Variants in ACBD6 observed in about 807,000 individuals in gnomAD.
The protein encoded by ACBD6 is acyl-CoA binding domain containing 6.
ACBD6 carries 28 observed loss-of-function variants against 37.2 expected under a neutral mutation model. The observed-to-expected ratio is 0.75, with a 90% CI of 0.56 to 1.03. The LOEUF (loss-of-function observed/expected upper bound fraction) is 1.03. ACBD6 is among the 50% of genes least tolerant of loss of function. The pLI, the probability that ACBD6 is intolerant of heterozygous loss-of-function variation, is 0.00. For synonymous variants in ACBD6, 113 were observed against 126.8 expected, an observed-to-expected ratio of 0.89 and a Z score of 0.73; for missense variants, 340 against 337.4, an observed-to-expected ratio of 1.01 and a Z score of -0.06.
intron 7 of ACBD6, among the ~76,000 whole-genome samples, chr1:180,306,662 A>G (rs1006636889): frequency 6.6e-6 from 1 of 152,246 alleles, no homozygotes; most frequent in African/African-American, 2.4e-5. Context: ...ACTGCTGTAT[A>G]GTATTCTAGC....
chr1:180,434,311 G>A (rs1648933647), intron 3 of ACBD6, among the ~76,000 whole-genome samples: 1 of 152,174 alleles, frequency 6.6e-6, no homozygotes. Flanking sequence ...GACCCTGGAA[G>A]AAATCAAAAT....
intron 3 of ACBD6, among the ~76,000 whole-genome samples, chr1:180,489,275 T>G (rs1651396059): frequency 6.6e-6 from 1 of 151,596 alleles, no homozygotes; most frequent in Admixed American, 6.6e-5. Context: ...GATAATGAAC[T>G]AAATGCCAAA....
At chr1:180,299,781 G>A (rs979313723) in intron 7 of ACBD6, among the ~76,000 whole-genome samples, 1 of 152,086 alleles carries the variant, frequency 6.6e-6, no homozygotes, top group African/African-American at 2.4e-5. Flanking sequence ...CCCAGTGGAG[G>A]AAGAGGAGGG....
chr1:180,397,702 T>G, intron 5 of ACBD6, 97 bp from the exon 6 acceptor site: 1 of 1,043,840 alleles, frequency 9.6e-7, no homozygotes, highest in Non-Finnish European at 1.5e-6. Context: ...TAAAAAATTA[T>G]GGGTTAATTA....
chr1:180,332,532 GT>G (rs1651525082), intron 6 of ACBD6, among the ~76,000 whole-genome samples: 1 of 151,700 alleles, frequency 6.6e-6, no homozygotes, highest in South Asian at 2.1e-4. Context: ...AACCCTTATT[GT>G]GAACTGCACA....
rs771226276 is a variant in ACBD6, at chr1:180,358,516, T to TA, written c.663+38999dup. On this transcript the variant is annotated intron_variant, in intron 6 of 7. Coordinates refer to ENST00000367595, the MANE Select transcript of ACBD6 (RefSeq NM_032360.4). The stretch of plus-strand genomic sequence containing the variant: ...AAGTCATATTAACTTTGGTTATCCT[T>TA]AAAAAAAAAAGTAACATTAGCAATA... 1.8e-3 allele frequency among the ~76,000 whole-genome samples: 244 copies of TA among 136,402 alleles called. 3 individuals carry two copies. The East Asian group carries it at 0.038, about 21-fold the overall frequency. 89.5% of individuals were successfully genotyped at this position (136,402 alleles called of 152,430 possible). A position where few individuals can be genotyped will look rare whatever the true frequency, so the allele number is the denominator to read the frequency against.
chr1:180,318,068 C>T (rs1173674559), intron 6 of ACBD6, among the ~76,000 whole-genome samples: 1 of 148,990 alleles, frequency 6.7e-6, no homozygotes, highest in Non-Finnish European at 1.5e-5. Context: ...GTCCCAGCTA[C>T]TCGGGATTGC....
At chr1:180,481,245 A>T (rs200732988) in intron 3 of ACBD6, among the ~76,000 whole-genome samples, 2 of 147,438 alleles carry the variant, frequency 1.4e-5, no homozygotes, top group East Asian at 2.0e-4. Context: ...CTTGTTTTTG[A>T]TTTTTTTTTT....
chr1:180,425,654 A>G (rs1173274876), intron 4 of ACBD6, among the ~76,000 whole-genome samples: 1 of 152,234 alleles, frequency 6.6e-6, no homozygotes, highest in Non-Finnish European at 1.5e-5. Flanking sequence ...AGATTTGTTA[A>G]AAACAGGCTG....
chr1:180,338,595 T>A (rs1316834809), intron 6 of ACBD6, among the ~76,000 whole-genome samples: 1 of 152,262 alleles, frequency 6.6e-6, no homozygotes, highest in East Asian at 1.9e-4. Flanking sequence ...ACCTAGGCAA[T>A]ACCATTCAGG....
At chr1:180,353,072 A>G (rs1478702439) in intron 6 of ACBD6, among the ~76,000 whole-genome samples, 1 of 152,110 alleles carries the variant, frequency 6.6e-6, no homozygotes, top group African/African-American at 2.4e-5. Flanking sequence ...AACTTAACTG[A>G]TATTATCTTG....
downstream of ACBD6, among the ~76,000 whole-genome samples, chr1:180,285,053 T>G (rs1346783240): frequency 6.6e-6 from 1 of 152,112 alleles, no homozygotes; most frequent in African/African-American, 2.4e-5. Flanking sequence ...GGAGGATTGC[T>G]TGAGCCAGGG....
intron 3 of ACBD6, among the ~76,000 whole-genome samples, chr1:180,468,200 C>T (rs1319880747): frequency 6.6e-6 from 1 of 152,178 alleles, no homozygotes; most frequent in Non-Finnish European, 1.5e-5. Flanking sequence ...CTATCTCCTG[C>T]CTATCCTTGG....
chr1:180,456,098 G>C (rs1372406496), intron 3 of ACBD6, among the ~76,000 whole-genome samples: 1 of 151,716 alleles, frequency 6.6e-6, no homozygotes, highest in Non-Finnish European at 1.5e-5. Context: ...TATAGTCCCA[G>C]CTACTCGGGA....
intron 5 of ACBD6, among the ~76,000 whole-genome samples, chr1:180,408,929 G>C (rs1647738247): frequency 6.6e-6 from 1 of 152,066 alleles, no homozygotes; most frequent in African/African-American, 2.4e-5. Context: ...GGCTGAGGCA[G>C]GCTGATTACT....
intron 3 of ACBD6, among the ~76,000 whole-genome samples, chr1:180,434,632 C>T (rs576563296): frequency 6.6e-6 from 1 of 152,340 alleles, no homozygotes; most frequent in East Asian, 1.9e-4. Context: ...TAACTCTCAA[C>T]CAACTGCCAA....
chr1:180,469,329 T>C (rs1209038149), intron 3 of ACBD6, among the ~76,000 whole-genome samples: 1 of 152,202 alleles, frequency 6.6e-6, no homozygotes, highest in African/African-American at 2.4e-5. Context: ...GTAAAGTTAG[T>C]AATATTTTTG....
At chr1:180,354,965 C>A (rs1426561483) in intron 6 of ACBD6, among the ~76,000 whole-genome samples, 1 of 152,138 alleles carries the variant, frequency 6.6e-6, no homozygotes, top group Non-Finnish European at 1.5e-5. Context: ...CACAAAGATG[C>A]AGTATTCCAG....
At chr1:180,290,247 G>A (rs2764462) in intron 7 of ACBD6, among the ~76,000 whole-genome samples, 6,879 of 152,176 alleles carry the variant, frequency 0.045, 224 homozygotes, top group Non-Finnish European at 0.059. Flanking sequence ...GGAGTGCAGT[G>A]GCGAGATCAT....
Sources: allele counts gnomAD v4.1 joint callset (sites outside exome capture counted in the v4.1 genomes callset), GRCh38; gene constraint gnomAD v4.1.1; transcripts MANE v1.5; gene names NCBI Gene and HGNC (gene_info 2026-07-23, HGNC 2026-07-21).